UBTD1: variants seen among roughly 807,000 people sequenced by gnomAD.
UBTD1 encodes the protein ubiquitin domain containing 1, also known as ubiquitin domain-containing protein 1.
UBTD1 carries 19 observed loss-of-function variants against 21.7 expected under a neutral mutation model. The observed-to-expected ratio is 0.87, with a 90% CI of 0.61 to 1.28. The LOEUF (loss-of-function observed/expected upper bound fraction) is 1.28. UBTD1 is among the 50% of genes most tolerant of loss of function. The probability of loss-of-function intolerance (pLI) is 0.00; values close to 1 mark genes in which losing one functional copy is unlikely to be tolerated. For synonymous variants in UBTD1, 116 were observed against 135.1 expected (o/e 0.86, Z 0.98); for missense variants, 282 against 315.1 (o/e 0.89, Z 0.80).
chr10:97,516,561 G>A (rs1004927156), intron 1 of UBTD1, among the ~76,000 whole-genome samples: 3 of 151,790 alleles, frequency 2.0e-5, no homozygotes, highest in Non-Finnish European at 4.4e-5. Flanking sequence ...GGATCACTAG[G>A]TCAGGAGATC....
chr10:97,500,679 C>T (rs2040371148), intron 1 of UBTD1, among the ~76,000 whole-genome samples: 1 of 152,136 alleles, frequency 6.6e-6, no homozygotes, highest in Non-Finnish European at 1.5e-5. Flanking sequence ...TCTTGGTTTT[C>T]CTTTCTGAAC....
At chr10:97,525,221 A>G (rs2040483071) in intron 1 of UBTD1, among the ~76,000 whole-genome samples, 1 of 152,214 alleles carries the variant, frequency 6.6e-6, no homozygotes, top group Non-Finnish European at 1.5e-5. Flanking sequence ...AGCAACTCAC[A>G]GTGTAGTCTG....
chr10:97,514,212 G>A (rs2040433955), intron 1 of UBTD1, among the ~76,000 whole-genome samples: 1 of 151,414 alleles, frequency 6.6e-6, no homozygotes. Flanking sequence ...CTGGGACGAA[G>A]CACTGGCTTT....
intron 1 of UBTD1, among the ~76,000 whole-genome samples, chr10:97,504,974 T>C (rs1383707653): frequency 2.6e-5 from 4 of 152,150 alleles, no homozygotes; most frequent in African/African-American, 7.2e-5. Context: ...AAGCTCACTA[T>C]TGGGGTCCTA....
chr10:97,530,223 A>G (rs4919107), intron 1 of UBTD1, among the ~76,000 whole-genome samples: 22 of 152,050 alleles, frequency 1.4e-4, no homozygotes, highest in African/African-American at 5.1e-4. Flanking sequence ...TGAATGAATG[A>G]ATGGATGGAT....
intron 1 of UBTD1, among the ~76,000 whole-genome samples, chr10:97,513,385 T>C (rs2040430380): frequency 6.6e-6 from 1 of 152,178 alleles, no homozygotes. Context: ...AAAGGCAACA[T>C]GTAGACCCTT....
intron 1 of UBTD1, among the ~76,000 whole-genome samples, chr10:97,508,921 C>T (rs2040409932): frequency 6.6e-6 from 1 of 152,178 alleles, no homozygotes; most frequent in African/African-American, 2.4e-5. Flanking sequence ...CCAGAGCAAA[C>T]CTCCGCTTTC....
In UBTD1 at chr10:97,570,486, A is replaced by C; in HGVS notation, c.647A>C (p.Gln216Pro). 1 of 1,610,680 alleles carries C rather than the reference A, an allele frequency of 6.2e-7. No homozygotes were observed. The highest frequency in any genetic ancestry group is 8.5e-7 in the Non-Finnish European group (1 of 1,178,116). The change falls in exon 3 of 3, where the codon CAG becomes CCG. Residue 216 changes from glutamine (Q) to proline (P), a missense_variant. Transcript: ENST00000370664. The surrounding 1 kb of genome is among the most constrained non-coding windows in gnomAD (Gnocchi z 6.6). ...ETKIQKDFVI[Q>P]VIINQPPPPQ... Reference sequence around the variant, plus strand: ...AAGATCCAGAAAGATTTTGTCATCCAGGTCATCATCAACCAGCCCCCACCA... The same window carrying C: ...AAGATCCAGAAAGATTTTGTCATCCCGGTCATCATCAACCAGCCCCCACCA...
At position 97,502,827 on chromosome 10, in the gene UBTD1, GTGTGTGCGTA is replaced by G. The variant is rs761209605; in HGVS notation, c.70+3561_70+3570del. On this transcript the variant is annotated intron_variant, in intron 1 of 2. Transcript: ENST00000370664. ...TTTTGTGATTGTCACTCATATGTGT[GTGTGTGCGTA>G]TGTGTGTATACATATATACGTATAT... Among the ~76,000 whole-genome samples, 464 of 151,126 alleles carry G rather than the reference GTGTGTGCGTA, an allele frequency of 3.1e-3. 2 individuals carry two copies. Among genetic ancestry groups the G allele is most frequent in the Non-Finnish European group, 5.1e-3 (343 of 67,864 alleles).
rs1442208097 is a variant in UBTD1 at position 97,529,590 on chromosome 10, C to T, written c.70+30317C>T. Among the ~76,000 whole-genome samples, 4 of 76,648 alleles carry T rather than the reference C, an allele frequency of 5.2e-5. No homozygotes were observed. In the South Asian group the frequency reaches 1.9e-3, roughly 36 times the overall value. The allele number at this position is 76,648 out of a possible 152,430, so 50.3% of individuals were successfully genotyped here. A position where few individuals can be genotyped will look rare whatever the true frequency, so the allele number is the denominator to read the frequency against. On this transcript the variant is annotated intron_variant, in intron 1 of 2. Transcript: ENST00000370664. ...CAGCCCGGCCATCACAGCGAAACCC[C>T]GTCTCCACCAAAAAAAAAACGAAAA...
In UBTD1 at chr10:97,499,208, G is replaced by C; in HGVS notation, c.5G>C (p.Gly2Ala). MGNCVGRQRRER... is the reference protein window; with the variant it reads MANCVGRQRRER... ...GGGACTGGCTGAGGAGCCAGCATGG[G>C]CAACTGCGTGGGGAGACAGCGCCGG... Residue 2 changes from glycine (G) to alanine (A), a missense_variant, in exon 1 of 3, where the codon GGC becomes GCC. Transcript: ENST00000370664. The C allele has an allele frequency of 1.3e-6, 2 of 1,546,490 alleles. No homozygotes were observed. The highest frequency in any genetic ancestry group is 1.2e-5 in the South Asian group (1 of 83,332).
intron 1 of UBTD1, among the ~76,000 whole-genome samples, chr10:97,501,245 A>G (rs933668078): frequency 1.3e-5 from 2 of 152,226 alleles, no homozygotes; most frequent in Non-Finnish European, 2.9e-5. Flanking sequence ...CACAGAAGAC[A>G]TTTGTTAAAT....
At chr10:97,524,782 G>C (rs1289931663) in intron 1 of UBTD1, among the ~76,000 whole-genome samples, 2 of 152,200 alleles carry the variant, frequency 1.3e-5, no homozygotes, top group Non-Finnish European at 2.9e-5. Flanking sequence ...CCACATCATA[G>C]AACATTGTTG....
intron 1 of UBTD1, among the ~76,000 whole-genome samples, chr10:97,535,175 A>T (rs1414086471): frequency 1.3e-5 from 2 of 152,212 alleles, no homozygotes; most frequent in Admixed American, 1.3e-4. Context: ...AGGCATCACC[A>T]TCCAGGTTGG....
At chr10:97,511,272 T>A (rs1328062545) in intron 1 of UBTD1, among the ~76,000 whole-genome samples, 1 of 152,156 alleles carries the variant, frequency 6.6e-6, no homozygotes, top group Non-Finnish European at 1.5e-5. Flanking sequence ...GATAGTCCAC[T>A]GAGGTAGAGA....
chr10:97,540,042 T>A (rs1247883040), intron 1 of UBTD1, among the ~76,000 whole-genome samples: 3 of 152,130 alleles, frequency 2.0e-5, no homozygotes, highest in African/African-American at 7.2e-5. Context: ...ATCTGGAACC[T>A]TCTCTGAGGA....
At chr10:97,508,136 C>T (rs905553838) in intron 1 of UBTD1, among the ~76,000 whole-genome samples, 5 of 152,200 alleles carry the variant, frequency 3.3e-5, no homozygotes, top group African/African-American at 1.2e-4. Flanking sequence ...ATTCTGTTAT[C>T]ACCTTTTCAC....
At chr10:97,524,844 G>A (rs538265224) in intron 1 of UBTD1, among the ~76,000 whole-genome samples, 2 of 152,316 alleles carry the variant, frequency 1.3e-5, no homozygotes, top group East Asian at 3.9e-4. Context: ...AGCCAGTGGA[G>A]GGGGAAGAAA....
rs918575919 is a variant in UBTD1, at chr10:97,507,474, T to TAA, written c.70+8215_70+8216dup. On this transcript the variant is annotated intron_variant, in intron 1 of 2. Transcript: ENST00000370664. ...CCACATAGTGAGACCTCGTCTCTAT[T>TAA]AAAAAAAAAAAAAAATTGGCCTGGG... 9.3e-5 allele frequency among the ~76,000 whole-genome samples: 13 copies of TAA among 139,154 alleles called. No individual in the cohort carries two copies. In the East Asian group the frequency reaches 1.0e-3, roughly 11 times the overall value. 91.3% of individuals were successfully genotyped at this position (139,154 alleles called of 152,430 possible).
Sources: gnomAD v4.1 joint callset for allele counts (sites outside exome capture counted in the v4.1 genomes callset) on GRCh38, gnomAD v4.1.1 for gene constraint, Gnocchi (gnomAD v3.1) non-coding constraint, MANE v1.5 for transcripts, NCBI Gene and HGNC (gene_info 2026-07-23, HGNC 2026-07-21) for gene names.